Variants in ASB4 observed in about 807,000 individuals in gnomAD.
ASB4 encodes the protein ankyrin repeat and SOCS box containing 4.
In ASB4, 35 loss-of-function variants were observed where a neutral mutation model predicts 38.6. The observed-to-expected ratio is 0.91, with a 90% CI of 0.69 to 1.20. ASB4 has a LOEUF of 1.20. Ranked by LOEUF, ASB4 falls within the 50% of genes most tolerant of loss-of-function variation. The pLI, the probability that ASB4 is intolerant of heterozygous loss-of-function variation, is 0.00. For synonymous variants in ASB4, 195 were observed against 201.3 expected, an observed-to-expected ratio of 0.97 and a Z score of 0.26; for missense variants, 557 against 527.2, an observed-to-expected ratio of 1.06 and a Z score of -0.55.
upstream of ASB4, among the ~76,000 whole-genome samples, chr7:95,475,620 G>A (rs556346629): frequency 6.6e-6 from 1 of 152,078 alleles, no homozygotes; most frequent in Non-Finnish European, 1.5e-5. Flanking sequence ...CTGACCTCAG[G>A]TGATCCACCC....
intron 1 of ASB4, among the ~76,000 whole-genome samples, chr7:95,488,915 C>G (rs1790132605): frequency 6.6e-6 from 1 of 152,212 alleles, no homozygotes; most frequent in African/African-American, 2.4e-5. Flanking sequence ...TAACGAATCT[C>G]ATGCTACTCT....
At chr7:95,519,635 A>G (rs1275787562) in intron 2 of ASB4, among the ~76,000 whole-genome samples, 1 of 152,220 alleles carries the variant, frequency 6.6e-6, no homozygotes. Flanking sequence ...TTCTACCTGA[A>G]GTTATAGTAA....
At chr7:95,546,156 TGC>T in the ASB4 span, among the ~76,000 whole-genome samples, 2 of 152,178 alleles carry the variant, frequency 1.3e-5, no homozygotes, top group South Asian at 2.1e-4. Context: ...TTTAATAAAT[TGC>T]AATTATTATT....
the ASB4 span, among the ~76,000 whole-genome samples, chr7:95,547,128 T>G: frequency 6.6e-6 from 1 of 152,236 alleles, no homozygotes; most frequent in African/African-American, 2.4e-5. Flanking sequence ...TCTTCAGTTT[T>G]TTAAAAGATT....
chr7:95,518,481 AGT>A (rs1347763530), intron 2 of ASB4, among the ~76,000 whole-genome samples: 3 of 152,258 alleles, frequency 2.0e-5, no homozygotes, highest in Non-Finnish European at 4.4e-5. Context: ...ACTATGTGAC[AGT>A]GAGAAATAAC....
intron 3 of ASB4, 68 bp from the exon 4 acceptor site, chr7:95,536,369 C>A: frequency 9.8e-7 from 1 of 1,018,162 alleles, no homozygotes; most frequent in Non-Finnish European, 1.5e-6. Context: ...TTCTTGATGT[C>A]TCTGTGAGCA....
At position 95,536,552 on chromosome 7, in the gene ASB4, T is replaced by C; in HGVS notation, c.1092+2T>C. 1.3e-6 allele frequency: 2 copies of C among 1,583,694 alleles called. No individual in the cohort carries two copies. The highest frequency in any genetic ancestry group is 1.7e-6 in the Non-Finnish European group (2 of 1,153,200). On this transcript the variant is annotated splice_donor_variant, in intron 4 of 4. Transcript: ENST00000325885. LOFTEE classifies it high-confidence loss of function. ...GCTATCCCCGATGATGACTTGGAGG[T>C]AAATAATCGATTCCCTTCTAATAGT...
At position 95,537,715 on chromosome 7, in the gene ASB4, T is replaced by C. The variant is rs1364998945; in HGVS notation, c.1237T>C (p.Leu413=). The C allele has an allele frequency of 1.2e-6, 2 of 1,613,764 alleles. No homozygotes were observed. Among genetic ancestry groups the C allele is most frequent in the Non-Finnish European group, 1.7e-6 (2 of 1,179,848 alleles). ...TCCTTTGCTTTCCCTCCCATTGTCA[T>C]TGAAAAAGTACTTGCTTTTAGAGCC... is the stretch of plus-strand genomic sequence containing the variant. ...AIPLLSLPLS[L]KKYLLLEPEG... Residue 413 remains leucine, a synonymous_variant, in exon 5 of 5, where the codon TTG becomes CTG. Transcript: ENST00000325885.
intron 3 of ASB4, among the ~76,000 whole-genome samples, chr7:95,533,234 G>T (rs547500387): frequency 1.5e-4 from 23 of 152,286 alleles, no homozygotes; most frequent in African/African-American, 5.1e-4. Context: ...GTTAGAAGCT[G>T]TGTATGGCCC....
At chr7:95,509,419 T>C (rs979236741) in intron 2 of ASB4, among the ~76,000 whole-genome samples, 2 of 151,900 alleles carry the variant, frequency 1.3e-5, no homozygotes, top group Non-Finnish European at 2.9e-5. Context: ...ACCAACGCCA[T>C]GTCTCCGGGC....
chr7:95,497,926 C>G lies in ASB4; in HGVS notation c.487+1869C>G, dbSNP rs1238071933. Among the ~76,000 whole-genome samples, 6 of 152,276 alleles carry G rather than the reference C, an allele frequency of 3.9e-5. No individual in the cohort carries two copies. The South Asian group carries it at 1.2e-3, about 32-fold the overall frequency. ...CACATAACAAAATTGATCTACCCCC[C>G]AGTAGAGGGACATTTGGAATGTCCT... is the stretch of plus-strand genomic sequence containing the variant. On this transcript the variant is annotated intron_variant, in intron 2 of 4. Coordinates refer to ENST00000325885, the MANE Select transcript of ASB4 (RefSeq NM_016116.3).
intron 1 of ASB4, among the ~76,000 whole-genome samples, chr7:95,480,677 G>T (rs185106918): frequency 6.6e-6 from 1 of 152,292 alleles, no homozygotes; most frequent in Non-Finnish European, 1.5e-5. Flanking sequence ...AAAGGGGATT[G>T]TCTAACCCCC....
Position 95,495,996 on chromosome 7 carries a change from A to G in ASB4, c.426A>G (p.Thr142=). Residue 142 remains threonine, a synonymous_variant, in exon 2 of 5, where the codon ACA becomes ACG. Coordinates refer to ENST00000325885, the MANE Select transcript of ASB4 (RefSeq NM_016116.3). ...ATTGCTACTCCTTAAGTGGACACACAGCTTTGCACTTTTGTACAACTCCAA... is the reference window on the plus strand; with the variant it reads ...ATTGCTACTCCTTAAGTGGACACACGGCTTTGCACTTTTGTACAACTCCAA... ...KLNCYSLSGH[T]ALHFCTTPSS... 6.2e-7 allele frequency: 1 copy of G among 1,614,096 alleles called. No individual in the cohort carries two copies. Among genetic ancestry groups the G allele is most frequent in the Non-Finnish European group, 8.5e-7 (1 of 1,179,954 alleles).
intron 2 of ASB4, among the ~76,000 whole-genome samples, chr7:95,509,621 G>A (rs1790454350): frequency 6.6e-6 from 1 of 152,108 alleles, no homozygotes; most frequent in African/African-American, 2.4e-5. Context: ...AAGGATAAAT[G>A]CTTAATGGAA....
chr7:95,496,497 T>G (rs995874989), intron 2 of ASB4, among the ~76,000 whole-genome samples: 9 of 152,184 alleles, frequency 5.9e-5, no homozygotes, highest in African/African-American at 2.2e-4. Context: ...TGAATTACTA[T>G]AAAATGTATA....
chr7:95,514,663 T>C (rs1790530349), intron 2 of ASB4, among the ~76,000 whole-genome samples: 1 of 152,190 alleles, frequency 6.6e-6, no homozygotes. Context: ...CTACCTGTCT[T>C]ACCCATTTCT....
At position 95,485,981 on chromosome 7, in the gene ASB4, A is replaced by G. The variant is rs1323497713; in HGVS notation, c.10A>G (p.Thr4Ala). Reference sequence around the variant, plus strand: ...CAGAGGGAGAGGAAGGATGGACGGCACCACTGCCCCTGTCACTAAATCTGG... The same window carrying G: ...CAGAGGGAGAGGAAGGATGGACGGCGCCACTGCCCCTGTCACTAAATCTGG... MDG[T>A]TAPVTKSGAA... The change falls in exon 1 of 5, where the codon ACC becomes GCC. Residue 4 changes from threonine to alanine, a missense_variant. Thr to Ala is a moderately conservative substitution (Grantham distance 58). Transcript: ENST00000325885. 1 of 1,613,752 alleles carries G rather than the reference A, an allele frequency of 6.2e-7. No individual in the cohort carries two copies. The highest frequency in any genetic ancestry group is 8.5e-7 in the Non-Finnish European group (1 of 1,179,776).
rs1239115538 is a variant in ASB4 at position 95,509,544 on chromosome 7, A to G, written c.487+13487A>G. Among the ~76,000 whole-genome samples, 7 of 152,324 alleles carry G rather than the reference A, an allele frequency of 4.6e-5. No individual in the cohort carries two copies. In the East Asian group the frequency reaches 1.3e-3, roughly 29 times the overall value. ...GTTAAGCAGAGGAAAAGGGTTTTCA[A>G]TTTCATTCATTAAACTTGAGTAAAT... On this transcript the variant is annotated intron_variant, in intron 2 of 4. Coordinates refer to ENST00000325885, the MANE Select transcript of ASB4 (RefSeq NM_016116.3).
At chr7:95,515,308 TCTTTCTTTCTTCCTTC>T (rs1340642079) in intron 2 of ASB4, among the ~76,000 whole-genome samples, 83 of 112,364 alleles carry the variant, frequency 7.4e-4, no homozygotes, top group African/African-American at 2.7e-3. Flanking sequence ...TTTCTTTCTT[TCTTTCTTTCTTCCTTC>T]CTTCCTTCCT....
Sources: gnomAD v4.1 joint callset for allele counts (sites outside exome capture counted in the v4.1 genomes callset) on GRCh38, gnomAD v4.1.1 for gene constraint, MANE v1.5 for transcripts, NCBI Gene and HGNC (gene_info 2026-07-23, HGNC 2026-07-21) for gene names.